The following MAD1L1 variants were observed in gnomAD, a reference collection of about 807,000 sequenced individuals.
MAD1L1 encodes the protein mitotic arrest deficient 1 like 1.
In MAD1L1, 95 loss-of-function variants were observed where a neutral mutation model predicts 96.9. The ratio of observed to expected loss-of-function variants is 0.98; its 90% CI spans 0.83 to 1.16. The LOEUF is 1.16. Ranked by LOEUF, MAD1L1 falls within the 50% of genes most tolerant of loss-of-function variation. MAD1L1 has a pLI of 0.00. For missense variants in MAD1L1, 1,007 were observed against 954.4 expected, an observed-to-expected ratio of 1.06 and a Z score of -0.73; for synonymous variants, 473 against 396.6, an observed-to-expected ratio of 1.19 and a Z score of -2.29.
chr7:2,032,428 A>G (rs1163118219), intron 12 of MAD1L1, among the ~76,000 whole-genome samples: 1 of 152,178 alleles, frequency 6.6e-6, no homozygotes, highest in Non-Finnish European at 1.5e-5. Context: ...TAGCTACCTA[A>G]AGCCCCCGGG....
At chr7:2,043,810 C>A (rs144491981) in intron 12 of MAD1L1, among the ~76,000 whole-genome samples, 1,985 of 152,380 alleles carry the variant, frequency 0.013, 32 homozygotes, top group African/African-American at 0.045. Context: ...TCCCAACACC[C>A]CGCACTGCCC....
At chr7:2,183,759 G>C (rs1003742081) in intron 10 of MAD1L1, among the ~76,000 whole-genome samples, 2 of 152,096 alleles carry the variant, frequency 1.3e-5, no homozygotes, top group East Asian at 1.9e-4. Context: ...TCGTGGGGTG[G>C]GGGGAGCGGG....
intron 7 of MAD1L1, among the ~76,000 whole-genome samples, chr7:2,217,408 G>C (rs918424457): frequency 6.6e-6 from 1 of 152,218 alleles, no homozygotes; most frequent in Non-Finnish European, 1.5e-5. Context: ...CAGGCTGGGG[G>C]TGCCGGGCAG....
At chr7:2,090,310 G>A (rs1786141869) in intron 11 of MAD1L1, among the ~76,000 whole-genome samples, 5 of 152,186 alleles carry the variant, frequency 3.3e-5, no homozygotes, top group Admixed American at 6.5e-5. Flanking sequence ...GCGGTCGCTT[G>A]CTTTGGGGAA....
chr7:2,079,863 C>A (rs1056973766), intron 11 of MAD1L1: 15 of 407,130 alleles, frequency 3.7e-5, no homozygotes, highest in Admixed American at 9.4e-5. Context: ...TACTAAACAA[C>A]CGCCCCATGC....
intron 15 of MAD1L1, among the ~76,000 whole-genome samples, chr7:1,959,424 A>G (rs902800842): frequency 2.6e-5 from 4 of 152,206 alleles, no homozygotes; most frequent in Non-Finnish European, 5.9e-5. Flanking sequence ...TTCCACTTTC[A>G]ATGGAAAGGA....
At chr7:1,924,159 G>C (rs1050826304) in intron 17 of MAD1L1, among the ~76,000 whole-genome samples, 4 of 152,240 alleles carry the variant, frequency 2.6e-5, no homozygotes, top group African/African-American at 7.2e-5. Context: ...GACGCTCCAA[G>C]AAGCAAGTGA....
intron 18 of MAD1L1, among the ~76,000 whole-genome samples, chr7:1,860,953 G>A (rs1005514357): frequency 1.3e-5 from 2 of 152,216 alleles, no homozygotes; most frequent in Non-Finnish European, 2.9e-5. Context: ...GTCTTGCCTG[G>A]AGGGGCTAGT....
chr7:2,033,770 G>C (rs1378122729), intron 12 of MAD1L1, among the ~76,000 whole-genome samples: 1 of 152,210 alleles, frequency 6.6e-6, no homozygotes, highest in Non-Finnish European at 1.5e-5. Flanking sequence ...AACTGGCCAA[G>C]GGTCCTGAAG....
intron 12 of MAD1L1, 37 bp from the exon 13 acceptor site, chr7:2,014,679 C>A (rs758857290): frequency 2.6e-6 from 4 of 1,568,492 alleles, no homozygotes; most frequent in South Asian, 1.2e-5. Flanking sequence ...GGACCCGGGA[C>A]GGGGGATGAG....
intron 15 of MAD1L1, among the ~76,000 whole-genome samples, chr7:1,974,692 A>G (rs946497760): frequency 6.6e-6 from 1 of 152,270 alleles, no homozygotes; most frequent in Non-Finnish European, 1.5e-5. Context: ...TTTCAGAAAG[A>G]AGACACAGAA....
intron 10 of MAD1L1, among the ~76,000 whole-genome samples, chr7:2,182,183 A>C (rs1464101986): frequency 1.3e-5 from 2 of 152,214 alleles, no homozygotes; most frequent in African/African-American, 4.8e-5. Flanking sequence ...AATGAAGATC[A>C]TAAAATGTAA....
intron 17 of MAD1L1, among the ~76,000 whole-genome samples, chr7:1,914,505 G>A (rs916371581): frequency 2.6e-5 from 4 of 152,218 alleles, no homozygotes; most frequent in Non-Finnish European, 4.4e-5. Context: ...AGAAAAGGCC[G>A]GATGTGGATT....
chr7:2,077,856 C>G (rs971872166), intron 11 of MAD1L1, among the ~76,000 whole-genome samples: 1 of 152,208 alleles, frequency 6.6e-6, no homozygotes, highest in African/African-American at 2.4e-5. Context: ...CCTCCAGTCA[C>G]AAGAACTGTA....
At chr7:2,185,283 A>T (rs1195329061) in intron 10 of MAD1L1, among the ~76,000 whole-genome samples, 1 of 151,750 alleles carries the variant, frequency 6.6e-6, no homozygotes, top group East Asian at 1.9e-4. Flanking sequence ...CCATTTATTT[A>T]CAATTCAAGA....
intron 17 of MAD1L1, among the ~76,000 whole-genome samples, chr7:1,913,066 A>G (rs1788122312): frequency 6.6e-6 from 1 of 152,102 alleles, no homozygotes; most frequent in Non-Finnish European, 1.5e-5. Flanking sequence ...TTTCGAGTCA[A>G]TCTGTCTGCT....
chr7:1,875,235 G>A (rs1482000823), intron 18 of MAD1L1, among the ~76,000 whole-genome samples: 5 of 152,208 alleles, frequency 3.3e-5, no homozygotes, highest in African/African-American at 7.2e-5. Context: ...CCGCCCCCAC[G>A]GCTGCACTCA....
At chr7:2,215,194 G>A (rs1396825985) in intron 9 of MAD1L1, among the ~76,000 whole-genome samples, 5 of 152,160 alleles carry the variant, frequency 3.3e-5, no homozygotes, top group African/African-American at 9.6e-5. Flanking sequence ...CCTAGCCAAC[G>A]TGGTGAAACC....
intron 18 of MAD1L1, among the ~76,000 whole-genome samples, chr7:1,835,117 CAAA>C (rs34734787): frequency 2.8e-4 from 39 of 137,440 alleles, no homozygotes; most frequent in East Asian, 6.2e-4. Context: ...AGGCATTCCT[CAAA>C]AAAAAAAAAA....
Sources: allele counts gnomAD v4.1 joint callset (sites outside exome capture counted in the v4.1 genomes callset), GRCh38; gene constraint gnomAD v4.1.1; transcripts MANE v1.5; gene names NCBI Gene and HGNC (gene_info 2026-07-23, HGNC 2026-07-21).